The following RBFOX3 variants were observed in gnomAD, a reference collection of about 807,000 sequenced individuals.
RBFOX3 encodes the protein RNA binding protein fox-1 homolog 3.
RBFOX3 carries 17 observed loss-of-function variants against 48.7 expected under a neutral mutation model. The observed-to-expected ratio is 0.35, with a 90% CI of 0.24 to 0.52. The LOEUF (loss-of-function observed/expected upper bound fraction) is 0.52, where lower values mean the gene tolerates loss of function less well. RBFOX3 is among the 20% of genes least tolerant of loss of function. RBFOX3 has a pLI of 0.94. For missense variants in RBFOX3, 382 were observed against 497.5 expected (o/e 0.77, Z 2.21); for synonymous variants, 212 against 209.5 (o/e 1.01, Z -0.10).
intron 8 of RBFOX3, among the ~76,000 whole-genome samples, 186 bp from the exon 9 acceptor site, chr17:79,101,830 G>C (rs569562371): frequency 6.7e-6 from 1 of 149,454 alleles, no homozygotes; most frequent in East Asian, 2.0e-4. Context: ...CTAAAGCCCC[G>C]CCTGGCCCAG....
chr17:79,443,740 G>A lies in RBFOX3; in HGVS notation c.-175+38714C>T, dbSNP rs371182753. 2.6e-5 allele frequency among the ~76,000 whole-genome samples: 4 copies of A among 152,160 alleles called. No homozygotes were observed. The highest frequency in any genetic ancestry group is 2.1e-4 in the South Asian group (1 of 4,822). The stretch of plus-strand genomic sequence containing the variant: ...TCACATGCTCACACTACTTGGGATC[G>A]CAGCCTCTTCTCCCTTGTCTAATGA... On this transcript the variant is annotated intron_variant, in intron 2 of 14. Transcript: ENST00000693108. The surrounding 1 kb of genome is among the most constrained non-coding windows in gnomAD (Gnocchi z 4.4).
At chr17:79,652,430 A>T in the RBFOX3 span, among the ~76,000 whole-genome samples, 1 of 150,826 alleles carries the variant, frequency 6.6e-6, no homozygotes, top group African/African-American at 2.5e-5. Flanking sequence ...GGGGTGACAA[A>T]GCAAGATCCT....
chr17:79,639,424 C>G, the RBFOX3 span, among the ~76,000 whole-genome samples: 1 of 152,194 alleles, frequency 6.6e-6, no homozygotes, highest in Non-Finnish European at 1.5e-5. Flanking sequence ...GATCTGCCTA[C>G]CTTGGCCTCC....
intron 1 of RBFOX3, among the ~76,000 whole-genome samples, chr17:79,503,577 C>T (rs1177015045): frequency 1.3e-5 from 2 of 152,192 alleles, no homozygotes; most frequent in Admixed American, 1.3e-4. Context: ...ACTCGGCCAG[C>T]CTGTCTCCAC....
intron 3 of RBFOX3, among the ~76,000 whole-genome samples, chr17:79,265,148 C>T (rs578036051): frequency 1.3e-5 from 2 of 152,322 alleles, no homozygotes; most frequent in South Asian, 2.1e-4. Context: ...AAGGACAAAA[C>T]GCAGAACACA....
intron 4 of RBFOX3, among the ~76,000 whole-genome samples, chr17:79,188,275 A>AAGCCC (rs1444538059): frequency 2.0e-5 from 3 of 152,202 alleles, no homozygotes; most frequent in Admixed American, 1.3e-4. Context: ...AGGGAAAGCT[A>AAGCCC]AGCCCAGCCC....
chr17:79,212,018 C>A lies in RBFOX3; in HGVS notation c.-34+23748G>T, dbSNP rs2058448785. The stretch of plus-strand genomic sequence containing the variant: ...TGTGGCCAGGCCAAGCTCCCGAAAG[C>A]TCTGGTCTCCTGGGGTCTTGGAAGA... On this transcript the variant is annotated intron_variant, in intron 4 of 14. Transcript: ENST00000693108. The surrounding 1 kb of genome is among the most constrained non-coding windows in gnomAD (Gnocchi z 4.7). 6.6e-6 allele frequency among the ~76,000 whole-genome samples: 1 copy of A among 152,218 alleles called. No homozygotes were observed. The highest frequency in any genetic ancestry group is 2.4e-5 in the African/African-American group (1 of 41,456).
At chr17:79,489,263 G>C (rs200019609) in intron 1 of RBFOX3, among the ~76,000 whole-genome samples, 1 of 106,138 alleles carries the variant, frequency 9.4e-6, no homozygotes, top group South Asian at 3.1e-4. Context: ...AAAAAAAAAA[G>C]AATCAGAGTA....
chr17:79,120,567 A>T (rs2147151326), intron 4 of RBFOX3, among the ~76,000 whole-genome samples: 1 of 150,648 alleles, frequency 6.6e-6, no homozygotes, highest in Admixed American at 6.6e-5. Flanking sequence ...GGATGGGTAG[A>T]TGGATGGGAG....
intron 2 of RBFOX3, among the ~76,000 whole-genome samples, chr17:79,448,261 C>T (rs1224437442): frequency 2.6e-5 from 4 of 152,132 alleles, no homozygotes; most frequent in African/African-American, 7.2e-5. Context: ...TAAACTGAAA[C>T]CTTTGGACAC....
intron 5 of RBFOX3, among the ~76,000 whole-genome samples, chr17:79,114,528 G>A (rs2033238152): frequency 6.6e-6 from 1 of 152,230 alleles, no homozygotes; most frequent in African/African-American, 2.4e-5. Flanking sequence ...CATGCACCGG[G>A]GGAAGGCTCC....
chr17:79,239,377 G>T (rs1201690351), intron 3 of RBFOX3, among the ~76,000 whole-genome samples: 53 of 152,172 alleles, frequency 3.5e-4, no homozygotes, highest in Admixed American at 3.5e-3. Context: ...CACTCAGCGG[G>T]ATAATCAATT....
chr17:79,312,857 A>C (rs1300303772), intron 2 of RBFOX3, among the ~76,000 whole-genome samples: 1 of 152,044 alleles, frequency 6.6e-6, no homozygotes, highest in African/African-American at 2.4e-5. Context: ...CTCGAGGGGG[A>C]GAGAGCTGGC....
chr17:79,355,164 G>T (rs922253017), intron 2 of RBFOX3, among the ~76,000 whole-genome samples: 1 of 152,170 alleles, frequency 6.6e-6, no homozygotes, highest in Non-Finnish European at 1.5e-5. Flanking sequence ...CATTTAACAC[G>T]GGGTTCGGCA....
intron 2 of RBFOX3, among the ~76,000 whole-genome samples, chr17:79,335,364 A>T (rs2377402): frequency 1.3e-5 from 2 of 152,170 alleles, no homozygotes; most frequent in African/African-American, 2.4e-5. Flanking sequence ...ACATCATGTA[A>T]GTGTATGTAT....
chr17:79,234,721 C>CTTTTTTTT lies in RBFOX3; in HGVS notation c.-34+1037_-34+1044dup, dbSNP rs71161654. On this transcript the variant is annotated intron_variant, in intron 4 of 14. Transcript: ENST00000693108. ...TTGGGTTTATTGGGGGCATTAAGTG[C>CTTTTTTTT]TTTTTTTTTTTTTTTTTTTTTTTTT... The CTTTTTTTT allele has an allele frequency of 2.3e-3, 143 of 61,830 alleles. 39 individuals are homozygous for CTTTTTTTT. The highest frequency in any genetic ancestry group is 0.011 in the African/African-American group (134 of 12,590). 3.8% of individuals were successfully genotyped at this position (61,830 alleles called of 1,614,324 possible).
chr17:79,415,564 C>T (rs1286145951), intron 2 of RBFOX3, among the ~76,000 whole-genome samples: 1 of 152,126 alleles, frequency 6.6e-6, no homozygotes, highest in Non-Finnish European at 1.5e-5. Flanking sequence ...TGCAGGCAGC[C>T]CCAAGCTTTC....
chr17:79,147,222 C>A lies in RBFOX3; in HGVS notation c.-33-31474G>T, dbSNP rs151308677. On this transcript the variant is annotated intron_variant, in intron 4 of 14. Coordinates refer to ENST00000693108, the MANE Select transcript of RBFOX3 (RefSeq NM_001350451.2). ...AGGAGGACACTGTGGTCACAGGAGG[C>A]GCTGGCCATGTCTGGCCTTCTGGAG... Among the ~76,000 whole-genome samples, 766 of 152,326 alleles carry A rather than the reference C, an allele frequency of 5.0e-3. 5 individuals carry two copies. The highest frequency in any genetic ancestry group is 8.5e-3 in the Non-Finnish European group (580 of 68,030).
chr17:79,272,630 G>A (rs1039692338), intron 3 of RBFOX3, among the ~76,000 whole-genome samples: 24 of 152,260 alleles, frequency 1.6e-4, no homozygotes, highest in East Asian at 1.2e-3. Flanking sequence ...CTATCAGATC[G>A]CTCCAACTGC....
Sources: gnomAD v4.1 joint callset for allele counts (sites outside exome capture counted in the v4.1 genomes callset) on GRCh38, gnomAD v4.1.1 for gene constraint, Gnocchi (gnomAD v3.1) non-coding constraint, MANE v1.5 for transcripts, NCBI Gene and HGNC (gene_info 2026-07-23, HGNC 2026-07-21) for gene names.